FKBP3: variants seen among roughly 807,000 people sequenced by gnomAD.
FKBP3 encodes the protein peptidyl-prolyl cis-trans isomerase FKBP3.
FKBP3 carries 21 observed loss-of-function variants against 30.6 expected under a neutral mutation model. That is an observed-to-expected ratio of 0.69 (90% CI 0.49 to 0.99). The LOEUF (loss-of-function observed/expected upper bound fraction) is 0.99, where lower values mean the gene tolerates loss of function less well. Ranked by LOEUF, FKBP3 falls within the 50% of genes least tolerant of loss-of-function variation. FKBP3 has a pLI of 0.00. For missense variants in FKBP3, 283 were observed against 261.6 expected, an observed-to-expected ratio of 1.08 and a Z score of -0.56; for synonymous variants, 82 against 91.3, an observed-to-expected ratio of 0.90 and a Z score of 0.58.
intron 6 of FKBP3, 100 bp from the exon 7 acceptor site, chr14:45,116,352 T>C (rs1884834653): frequency 1.3e-6 from 1 of 796,580 alleles, no homozygotes; most frequent in Non-Finnish European, 2.2e-6. Flanking sequence ...ACTAGATAAA[T>C]TGAGCTTGGA....
intron 3 of FKBP3, among the ~76,000 whole-genome samples, chr14:45,123,886 G>A (rs1431879828): frequency 1.3e-5 from 2 of 151,824 alleles, no homozygotes; most frequent in African/African-American, 2.4e-5. Context: ...CCAAAGTGCT[G>A]GGATTACAAG....
intron 6 of FKBP3, among the ~76,000 whole-genome samples, chr14:45,117,598 A>C (rs1212518536): frequency 1.3e-5 from 2 of 152,186 alleles, no homozygotes; most frequent in East Asian, 1.9e-4. Context: ...CACAACTGGT[A>C]ATCTCCCACA....
At chr14:45,129,397 G>A (rs1205683396) in intron 3 of FKBP3, among the ~76,000 whole-genome samples, 1 of 152,108 alleles carries the variant, frequency 6.6e-6, no homozygotes, top group Admixed American at 6.6e-5. Context: ...CTGCAGCCAA[G>A]CCTGGATTAT....
chr14:45,117,585 G>A (rs1884879865), intron 6 of FKBP3, among the ~76,000 whole-genome samples: 1 of 152,030 alleles, frequency 6.6e-6, no homozygotes, highest in Non-Finnish European at 1.5e-5. Context: ...GTCTCCTTCA[G>A]TTCACAACTG....
chr14:45,132,913 A>G (rs1332655324), intron 1 of FKBP3, among the ~76,000 whole-genome samples: 1 of 152,194 alleles, frequency 6.6e-6, no homozygotes, highest in Non-Finnish European at 1.5e-5. Context: ...TGTCTATTCT[A>G]TTGTTTCAGA....
At position 45,118,012 on chromosome 14, in the gene FKBP3, G is replaced by A; in HGVS notation, c.620+16C>T. 7.1e-7 allele frequency: 1 copy of A among 1,399,552 alleles called. No individual in the cohort carries two copies. The highest frequency in any genetic ancestry group is 9.9e-7 in the Non-Finnish European group (1 of 1,009,638). The allele number at this position is 1,399,552 out of a possible 1,614,324, so 86.7% of individuals were successfully genotyped here. A position where few individuals can be genotyped will look rare whatever the true frequency, so the allele number is the denominator to read the frequency against. ...TTTTTTTTTCAACTTTAATTATGAA[G>A]GGGAAAAAAGGATACTTGGCATCAG... On this transcript the variant is annotated intron_variant, in intron 6 of 6. Transcript: ENST00000396062.
intron 1 of FKBP3, among the ~76,000 whole-genome samples, chr14:45,133,742 C>T (rs1885281930): frequency 6.6e-6 from 1 of 152,154 alleles, no homozygotes; most frequent in Non-Finnish European, 1.5e-5. Flanking sequence ...ATTTCTTAGT[C>T]TGTTTATAAC....
In FKBP3 at chr14:45,122,793, G is replaced by A. The variant is rs1045438123; in HGVS notation, c.319-1173C>T. ...GTTGGGATTACAAGTGTGAGCCACC[G>A]CGCCTGGCCTATTCCTGATCTATTT... On this transcript the variant is annotated intron_variant, in intron 3 of 6. Transcript: ENST00000396062. 3.2e-4 allele frequency among the ~76,000 whole-genome samples: 48 copies of A among 151,778 alleles called. 1 individual carries two copies. The highest frequency in any genetic ancestry group is 3.3e-4 in the Admixed American group (5 of 15,224).
At position 45,134,435 on chromosome 14, in the gene FKBP3, G is replaced by C. The variant is rs765963124; in HGVS notation, c.22C>G (p.Arg8Gly). 5.0e-6 allele frequency: 8 copies of C among 1,610,032 alleles called. No individual in the cohort carries two copies. The highest frequency in any genetic ancestry group is 6.8e-6 in the Non-Finnish European group (8 of 1,178,244). The change falls in exon 1 of 7, where the codon CGG (arginine) becomes GGG (glycine). Residue 8 changes from arginine to glycine, a missense_variant. Physicochemically the swap from Arg to Gly is moderately radical, Grantham distance 125. Coordinates refer to ENST00000396062, the MANE Select transcript of FKBP3 (RefSeq NM_002013.4). ...CGCAGCTGCTCCACGGTCCACGCCC[G>C]CTGTGGAACGGCCGCCGCCATCTTC... MAAAVPQ[R>G]AWTVEQLRSE...
rs1470565745 is a variant in FKBP3 at position 45,134,479 on chromosome 14, A to C, written c.-23T>G. ...CATCTTCCCCCGCTGCCTCCGCTTT[A>C]CTGAGCCAGCCCGCCGCAGTTCGGC... On this transcript the variant is annotated 5_prime_UTR_variant, in exon 1 of 7. Transcript: ENST00000396062. The C allele has an allele frequency of 2.5e-6, 4 of 1,597,470 alleles. No individual in the cohort carries two copies. The highest frequency in any genetic ancestry group is 1.7e-5 in the Admixed American group (1 of 58,806).
intron 1 of FKBP3, chr14:45,133,311 C>CA: frequency 3.4e-6 from 1 of 294,534 alleles, no homozygotes; most frequent in East Asian, 1.5e-4. Flanking sequence ...ATTAAAAATA[C>CA]AAAAAATTAA....
intron 3 of FKBP3, among the ~76,000 whole-genome samples, chr14:45,122,498 T>C (rs918241728): frequency 6.6e-6 from 1 of 152,160 alleles, no homozygotes; most frequent in African/African-American, 2.4e-5. Context: ...TCTTTATTCC[T>C]GACCTATTTC....
chr14:45,126,406 T>C (rs550478770), intron 3 of FKBP3, among the ~76,000 whole-genome samples: 18 of 152,048 alleles, frequency 1.2e-4, no homozygotes, highest in Non-Finnish European at 2.5e-4. Flanking sequence ...GAGAACTGCT[T>C]GAACCCGGGA....
chr14:45,119,933 AC>A (rs1884946993), intron 5 of FKBP3, among the ~76,000 whole-genome samples: 1 of 151,924 alleles, frequency 6.6e-6, no homozygotes, highest in African/African-American at 2.4e-5. Context: ...CTTGTGATCC[AC>A]CCACCTCGGC....
intron 1 of FKBP3, chr14:45,133,341 CCT>C (rs1491278187): frequency 3.3e-6 from 1 of 302,242 alleles, no homozygotes; most frequent in South Asian, 2.3e-5. Context: ...GTGGCACGCG[CCT>C]GTAGTCCTAG....
At chr14:45,133,797 A>G (rs1006430476) in intron 1 of FKBP3, among the ~76,000 whole-genome samples, 4 of 152,244 alleles carry the variant, frequency 2.6e-5, no homozygotes, top group Admixed American at 6.5e-5. Context: ...TAGCTCCCTT[A>G]AAGTATAAAG....
chr14:45,123,184 A>AG (rs982313995), intron 3 of FKBP3, among the ~76,000 whole-genome samples: 5 of 151,742 alleles, frequency 3.3e-5, no homozygotes, highest in African/African-American at 4.8e-5. Flanking sequence ...CCATCTAAAA[A>AG]AAAAAAAAAA....
In FKBP3 at chr14:45,134,384, T is replaced by C. The variant is rs111523571; in HGVS notation, c.73A>G (p.Ile25Val). 24 of 1,613,792 alleles carry C rather than the reference T, an allele frequency of 1.5e-5. No homozygotes were observed. The highest frequency in any genetic ancestry group is 8.8e-5 in the South Asian group (8 of 91,086). The change falls in exon 1 of 7, where the codon ATT becomes GTT. Residue 25 changes from isoleucine (I) to valine (V), a missense_variant. By Grantham distance (29) the Ile-to-Val change is conservative (BLOSUM62 3). Coordinates refer to ENST00000396062, the MANE Select transcript of FKBP3 (RefSeq NM_002013.4). ...CCGTGTTCCTGCAGAAACTTGATAA[T>C]GTCCTTCTTGGGCAGCTGCTCACTG... Reference protein sequence around the residue: ...LRSEQLPKKDIIKFLQEHGSD... With the variant: ...LRSEQLPKKDVIKFLQEHGSD...
chr14:45,125,587 G>C (rs1396236413), intron 3 of FKBP3, among the ~76,000 whole-genome samples: 1 of 152,028 alleles, frequency 6.6e-6, no homozygotes, highest in Non-Finnish European at 1.5e-5. Context: ...ATATATAATA[G>C]ACAATAAATA....
Sources: allele counts gnomAD v4.1 joint callset (sites outside exome capture counted in the v4.1 genomes callset), GRCh38; gene constraint gnomAD v4.1.1; transcripts MANE v1.5; gene names NCBI Gene and HGNC (gene_info 2026-07-23, HGNC 2026-07-21).